MSN: variants seen among roughly 807,000 people sequenced by gnomAD.
MSN encodes the protein epididymis luminal protein 70.
Under a neutral mutation model 48.0 loss-of-function variants are expected in MSN, and 2 were observed. The ratio of observed to expected loss-of-function variants is 0.04; its 90% CI spans 0.02 to 0.13. The LOEUF (loss-of-function observed/expected upper bound fraction) is 0.13, where lower values mean the gene tolerates loss of function less well. Ranked by LOEUF, MSN falls within the 10% of genes least tolerant of loss-of-function variation. MSN has a pLI of 1.00. For synonymous variants in MSN, 146 were observed against 166.9 expected (o/e 0.87, Z 0.97); for missense variants, 267 against 470.1 (o/e 0.57, Z 3.99).
intron 1 of MSN, among the ~76,000 whole-genome samples, chrX:65,694,550 A>C (rs1441250889): frequency 9.1e-6 from 1 of 110,441 alleles, no homozygotes; most frequent in Admixed American, 9.6e-5. Context: ...CTAGTTCTGG[A>C]ACTCCTGGCC....
rs1284195190 is a variant in MSN, at chrX:65,739,931, C to T, written c.*38C>T. On this transcript the variant is annotated 3_prime_UTR_variant, in exon 13 of 13. Coordinates refer to ENST00000360270, the MANE Select transcript of MSN (RefSeq NM_002444.3). ...CTCTAGGGACCCCTCCTCCCTTTTT[C>T]CTTGTCCCCACACTCCTACACCTAA... The T allele has an allele frequency of 8.5e-7, 1 of 1,178,125 alleles. No individual in the cohort carries two copies. Among genetic ancestry groups the T allele is most frequent in the African/African-American group, 1.8e-5 (1 of 56,435 alleles).
intron 1 of MSN, among the ~76,000 whole-genome samples, chrX:65,659,887 G>T (rs1056067913): frequency 9.0e-6 from 1 of 110,669 alleles, no homozygotes; most frequent in Non-Finnish European, 1.9e-5. Flanking sequence ...AACCTCATCA[G>T]ATCTAAACCT....
chrX:65,709,231 C>A (rs768264657), intron 1 of MSN, among the ~76,000 whole-genome samples: 1 of 111,794 alleles, frequency 8.9e-6, no homozygotes, highest in Admixed American at 9.5e-5. Context: ...TCTGAGAAAC[C>A]TCCATACTGT....
In MSN at chrX:65,740,085, G is replaced by T; in HGVS notation, c.*192G>T. 1 of 376,890 alleles carries T rather than the reference G, an allele frequency of 2.7e-6. No individual in the cohort carries two copies. The allele number at this position is 376,890 out of a possible 1,213,427, so 31.1% of individuals were successfully genotyped here. On this transcript the variant is annotated 3_prime_UTR_variant, in exon 13 of 13. Transcript: ENST00000360270. ...ACCCACTTCCCTGGGCAAATGAATG[G>T]CTCACTATGGTGCCAATGGAACCTC...
chrX:65,613,444 C>G lies in MSN; in HGVS notation c.-22+24832C>G, dbSNP rs1049918377. 2.6e-5 allele frequency among the ~76,000 whole-genome samples: 3 copies of G among 114,854 alleles called. No homozygotes were observed. The East Asian group carries it at 8.1e-4, about 31-fold the overall frequency. On this transcript the variant is annotated intron_variant, in intron 1 of 3. Coordinates refer to the MSN transcript ENST00000609672. ...TTCTGCTTCTAGATCCTTCAGGAAT[C>G]GCCACATTGTCTTCCACAATGGTTG...
chrX:65,614,696 A>ATTTTTTTT (rs1349155777), intron 1 of MSN, among the ~76,000 whole-genome samples: 1 of 73,262 alleles, frequency 1.4e-5, no homozygotes, highest in African/African-American at 7.0e-5. Flanking sequence ...TTATTTATTT[A>ATTTTTTTT]TTTTTTCTTT....
intron 1 of MSN, among the ~76,000 whole-genome samples, chrX:65,610,848 G>A (rs187968471): frequency 6.5e-4 from 73 of 112,113 alleles, no homozygotes; most frequent in African/African-American, 2.0e-3. Flanking sequence ...CTGCACTCCA[G>A]TGTGGGTGAC....
At chrX:65,674,896 T>G (rs917264402) in intron 1 of MSN, among the ~76,000 whole-genome samples, 1 of 112,004 alleles carries the variant, frequency 8.9e-6, no homozygotes, top group African/African-American at 3.2e-5. Context: ...ACCAACTAGT[T>G]ATATAGCCTT....
At chrX:65,610,553 C>T (rs1465324849) in intron 1 of MSN, among the ~76,000 whole-genome samples, 1 of 112,022 alleles carries the variant, frequency 8.9e-6, no homozygotes, top group Non-Finnish European at 1.9e-5. Context: ...GTGAATAATG[C>T]TGCAGTGAAC....
At chrX:65,726,859 A>G (rs1288774342) in intron 2 of MSN, among the ~76,000 whole-genome samples, 1 of 111,270 alleles carries the variant, frequency 9.0e-6, no homozygotes, top group Non-Finnish European at 1.9e-5. Flanking sequence ...TGCCATCGAC[A>G]GTGGTGGGTA....
chrX:65,623,738 G>A (rs1027622820), intron 1 of MSN, among the ~76,000 whole-genome samples: 1 of 108,784 alleles, frequency 9.2e-6, no homozygotes, highest in South Asian at 3.9e-4. Flanking sequence ...CTGGAACCCG[G>A]GAGGCGGAGG....
chrX:65,625,594 G>T (rs2070497271), intron 1 of MSN: 2 of 111,289 alleles, frequency 1.8e-5, no homozygotes, highest in South Asian at 7.4e-4. Flanking sequence ...CTATCTTTTG[G>T]TTACTATTTG....
intron 1 of MSN, among the ~76,000 whole-genome samples, chrX:65,713,674 T>C (rs2071434997): frequency 8.9e-6 from 1 of 112,014 alleles, no homozygotes; most frequent in Admixed American, 9.4e-5. Flanking sequence ...TGTCATAAGG[T>C]AAACTCATGT....
chrX:65,615,660 G>C (rs1172700006), intron 1 of MSN, among the ~76,000 whole-genome samples: 2 of 105,162 alleles, frequency 1.9e-5, no homozygotes, highest in African/African-American at 7.2e-5. Flanking sequence ...TAGGTTGCCT[G>C]TTCACTCTGA....
At chrX:65,653,454 T>G (rs1220918009) in intron 1 of MSN, among the ~76,000 whole-genome samples, 1 of 110,583 alleles carries the variant, frequency 9.0e-6, no homozygotes, top group Admixed American at 9.7e-5. Flanking sequence ...AGAAAAAAAA[T>G]AATGTTAAAA....
chrX:65,617,595 C>T (rs1307988314), intron 1 of MSN, among the ~76,000 whole-genome samples: 2 of 102,339 alleles, frequency 2.0e-5, no homozygotes, highest in African/African-American at 3.9e-5. Context: ...ATTCTTCTCT[C>T]TTTTTTTCTT....
At chrX:65,627,880 C>T (rs769071125) in intron 1 of MSN, among the ~76,000 whole-genome samples, 25 of 111,960 alleles carry the variant, frequency 2.2e-4, no homozygotes, top group Non-Finnish European at 4.5e-4. Context: ...TGCAACCATT[C>T]CATATAGGAG....
intron 1 of MSN, among the ~76,000 whole-genome samples, chrX:65,677,626 C>A (rs192014591): frequency 9.1e-6 from 1 of 109,947 alleles, no homozygotes; most frequent in African/African-American, 3.3e-5. Flanking sequence ...GGCGTGTTGG[C>A]GGGAGCCTGT....
At chrX:65,630,571 A>G (rs774837175) in intron 1 of MSN, among the ~76,000 whole-genome samples, 2 of 111,299 alleles carry the variant, frequency 1.8e-5, no homozygotes, top group East Asian at 2.8e-4. Flanking sequence ...CCTGGGTGAC[A>G]GAATGAGACC....
Sources: allele counts gnomAD v4.1 joint callset (sites outside exome capture counted in the v4.1 genomes callset), GRCh38; gene constraint gnomAD v4.1.1; transcripts MANE v1.5; gene names NCBI Gene and HGNC (gene_info 2026-07-23, HGNC 2026-07-21).